The following SOX5 variants were observed in gnomAD, a reference collection of about 807,000 sequenced individuals.
The protein encoded by SOX5 is SRY-box transcription factor 5.
SOX5 carries 9 observed loss-of-function variants against 92.0 expected under a neutral mutation model. That is an observed-to-expected ratio of 0.10 (90% CI 0.06 to 0.17). The LOEUF is 0.17. SOX5 is among the 10% of genes least tolerant of loss of function. The pLI, the probability that SOX5 is intolerant of heterozygous loss-of-function variation, is 1.00. For synonymous variants in SOX5, 344 were observed against 336.3 expected (o/e 1.02, Z -0.25); for missense variants, 642 against 944.5 (o/e 0.68, Z 4.20).
intron 11 of SOX5, among the ~76,000 whole-genome samples, chr12:23,549,620 G>A (rs1943798979): frequency 6.6e-6 from 1 of 151,892 alleles, no homozygotes; most frequent in Non-Finnish European, 1.5e-5. Context: ...TCAGAATAGA[G>A]GGCAAAAAGA....
intron 8 of SOX5, among the ~76,000 whole-genome samples, chr12:23,621,095 C>A (rs1328582862): frequency 1.3e-5 from 2 of 152,000 alleles, no homozygotes; most frequent in African/African-American, 4.8e-5. Context: ...CAATTCTTAA[C>A]ATTTATAAGT....
At chr12:23,750,403 C>A (rs1333374079) in intron 4 of SOX5, among the ~76,000 whole-genome samples, 1 of 151,748 alleles carries the variant, frequency 6.6e-6, no homozygotes, top group Non-Finnish European at 1.5e-5. Flanking sequence ...AAGTGGTAGC[C>A]CAATTTCCAC....
intron 2 of SOX5, among the ~76,000 whole-genome samples, chr12:24,319,255 C>T (rs765599796): frequency 6.6e-5 from 10 of 152,198 alleles, no homozygotes; most frequent in East Asian, 1.9e-4. Flanking sequence ...TGCTCATTCA[C>T]GCATCCCCCT....
At chr12:24,104,396 G>T (rs1418408238) in intron 4 of SOX5, among the ~76,000 whole-genome samples, 1 of 152,092 alleles carries the variant, frequency 6.6e-6, no homozygotes, top group African/African-American at 2.4e-5. Context: ...ATAATCTAGA[G>T]GTAACTTCTG....
At chr12:23,775,850 T>C (rs1159972104) in intron 3 of SOX5, among the ~76,000 whole-genome samples, 1 of 152,172 alleles carries the variant, frequency 6.6e-6, no homozygotes, top group African/African-American at 2.4e-5. Flanking sequence ...TTTCACTTTT[T>C]GAGAAAGGCC....
chr12:23,539,029 TCTC>T (rs1418636041), intron 13 of SOX5, among the ~76,000 whole-genome samples: 1 of 151,648 alleles, frequency 6.6e-6, no homozygotes, highest in Non-Finnish European at 1.5e-5. Context: ...ATGGTGTCAA[TCTC>T]CTGATCTCGT....
At chr12:24,407,752 C>T (rs769039686) in intron 1 of SOX5, among the ~76,000 whole-genome samples, 22 of 152,196 alleles carry the variant, frequency 1.4e-4, no homozygotes, top group South Asian at 6.2e-4. Flanking sequence ...CAGACAGATA[C>T]GGAGTGATCA....
intron 4 of SOX5, among the ~76,000 whole-genome samples, chr12:24,146,391 CA>C (rs1468465922): frequency 6.6e-6 from 1 of 151,916 alleles, no homozygotes; most frequent in Non-Finnish European, 1.5e-5. Context: ...CCCCAAGGGT[CA>C]AAGACAAACT....
chr12:23,788,829 C>T (rs2095423815), intron 3 of SOX5, among the ~76,000 whole-genome samples: 1 of 151,872 alleles, frequency 6.6e-6, no homozygotes, highest in South Asian at 2.1e-4. Flanking sequence ...ATGTGCCACA[C>T]AGCATTCACT....
chr12:24,304,690 G>A (rs1036796343), intron 2 of SOX5, among the ~76,000 whole-genome samples: 1 of 152,114 alleles, frequency 6.6e-6, no homozygotes, highest in Non-Finnish European at 1.5e-5. Context: ...ATGATTAACA[G>A]GTACAACAAA....
chr12:24,459,307 G>A (rs1166676811), intron 1 of SOX5, among the ~76,000 whole-genome samples: 1 of 152,104 alleles, frequency 6.6e-6, no homozygotes, highest in Non-Finnish European at 1.5e-5. Context: ...AAAGAAACCT[G>A]ACAAGGTAAC....
At chr12:24,114,847 G>T (rs2138211098) in intron 4 of SOX5, among the ~76,000 whole-genome samples, 1 of 152,034 alleles carries the variant, frequency 6.6e-6, no homozygotes, top group Admixed American at 6.6e-5. Flanking sequence ...GGGGTGCGGG[G>T]ATCCCTTGAG....
intron 4 of SOX5, among the ~76,000 whole-genome samples, chr12:23,993,268 A>G (rs573083701): frequency 6.6e-6 from 1 of 152,334 alleles, no homozygotes; most frequent in South Asian, 2.1e-4. Flanking sequence ...CATATTCCAA[A>G]TTACTTATTT....
At chr12:23,719,338 T>C (rs542517191) in intron 6 of SOX5, among the ~76,000 whole-genome samples, 2 of 152,322 alleles carry the variant, frequency 1.3e-5, no homozygotes, top group East Asian at 3.9e-4. Flanking sequence ...ATAAATACCA[T>C]TTAATAATGA....
intron 4 of SOX5, among the ~76,000 whole-genome samples, chr12:23,970,295 A>G (rs919770763): frequency 2.6e-5 from 4 of 151,502 alleles, no homozygotes; most frequent in Non-Finnish European, 5.9e-5. Flanking sequence ...TAATGTGTAT[A>G]ACATATATAT....
intron 1 of SOX5, among the ~76,000 whole-genome samples, chr12:23,929,932 T>C (rs769991159): frequency 1.3e-5 from 2 of 151,882 alleles, no homozygotes; most frequent in Non-Finnish European, 2.9e-5. Context: ...GCATCTCCAT[T>C]TAATAAAAGA....
intron 3 of SOX5, among the ~76,000 whole-genome samples, chr12:24,218,789 CCT>C (rs547092242): frequency 1.3e-5 from 2 of 151,798 alleles, no homozygotes; most frequent in Non-Finnish European, 2.9e-5. Context: ...CAGATTACTC[CCT>C]GATACATAAC....
At chr12:24,324,038 TG>T (rs1950449348) in intron 2 of SOX5, among the ~76,000 whole-genome samples, 1 of 152,200 alleles carries the variant, frequency 6.6e-6, no homozygotes, top group Non-Finnish European at 1.5e-5. Flanking sequence ...GCAAATGGAC[TG>T]GATCGTCCTT....
intron 2 of SOX5, among the ~76,000 whole-genome samples, chr12:24,313,666 G>A (rs1160115546): frequency 6.6e-6 from 1 of 152,192 alleles, no homozygotes; most frequent in East Asian, 1.9e-4. Context: ...TATTTCCACT[G>A]TATAACACTT....
Sources: allele counts gnomAD v4.1 joint callset (sites outside exome capture counted in the v4.1 genomes callset), GRCh38; gene constraint gnomAD v4.1.1; transcripts MANE v1.5; gene names NCBI Gene and HGNC (gene_info 2026-07-23, HGNC 2026-07-21).